TRHDE: variants seen among roughly 807,000 people sequenced by gnomAD.
The protein encoded by TRHDE is thyrotropin releasing hormone degrading enzyme, also known as thyrotropin-releasing hormone-degrading ectoenzyme.
A neutral mutation model predicts 125.7 loss-of-function variants in TRHDE; 72 were observed. The ratio of observed to expected loss-of-function variants is 0.57; its 90% CI spans 0.47 to 0.70. The LOEUF (loss-of-function observed/expected upper bound fraction) is 0.70, where lower values mean the gene tolerates loss of function less well. Ranked by LOEUF, TRHDE falls within the 30% of genes least tolerant of loss-of-function variation. TRHDE has a pLI of 0.00. For missense variants in TRHDE, 1,110 were observed against 1,327.1 expected, an observed-to-expected ratio of 0.84 and a Z score of 2.54; for synonymous variants, 509 against 509.1, an observed-to-expected ratio of 1.00 and a Z score of 0.00.
intron 3 of TRHDE, among the ~76,000 whole-genome samples, chr12:72,420,869 C>T (rs935245302): frequency 7.9e-5 from 12 of 152,158 alleles, no homozygotes; most frequent in African/African-American, 2.9e-4. Context: ...GGCTCTGAAC[C>T]TGTAGGTCGT....
intron 2 of TRHDE, among the ~76,000 whole-genome samples, chr12:72,125,478 T>C (rs1394572507): frequency 1.3e-5 from 2 of 152,294 alleles, no homozygotes; most frequent in South Asian, 2.1e-4. Flanking sequence ...AGGCAAGAAC[T>C]TCACCCATTG....
intron 12 of TRHDE, among the ~76,000 whole-genome samples, chr12:72,576,263 C>T (rs1565796528): frequency 1.3e-5 from 2 of 152,080 alleles, no homozygotes; most frequent in Non-Finnish European, 2.9e-5. Flanking sequence ...TCAATTAAGA[C>T]AGGTGACTCT....
chr12:72,388,602 G>T (rs2135788424), intron 3 of TRHDE, among the ~76,000 whole-genome samples: 1 of 152,204 alleles, frequency 6.6e-6, no homozygotes, highest in East Asian at 1.9e-4. Context: ...AAATAAATAT[G>T]ATTTCAAAGA....
chr12:72,285,807 C>T (rs1422499492), intron 1 of TRHDE, among the ~76,000 whole-genome samples: 1 of 152,116 alleles, frequency 6.6e-6, no homozygotes. Flanking sequence ...GTGTGAGCCA[C>T]CATGCCGGGC....
chr12:72,170,611 G>A (rs566538634), intron 2 of TRHDE, among the ~76,000 whole-genome samples: 1 of 152,182 alleles, frequency 6.6e-6, no homozygotes, highest in Non-Finnish European at 1.5e-5. Flanking sequence ...TACCTTTGAT[G>A]TTTCTGGCTC....
chr12:72,623,057 G>A (rs1313043231), intron 15 of TRHDE, among the ~76,000 whole-genome samples: 2 of 151,764 alleles, frequency 1.3e-5, no homozygotes, highest in African/African-American at 2.4e-5. Context: ...TATTTCATTA[G>A]ACCTGAAAAT....
intron 3 of TRHDE, among the ~76,000 whole-genome samples, chr12:72,430,403 A>G (rs963604644): frequency 4.2e-5 from 5 of 119,680 alleles, no homozygotes; most frequent in Non-Finnish European, 8.6e-5. Flanking sequence ...ACACACACGT[A>G]TATATATGTG....
intron 3 of TRHDE, among the ~76,000 whole-genome samples, chr12:72,425,125 A>G (rs1217265215): frequency 6.6e-6 from 1 of 152,176 alleles, no homozygotes; most frequent in Non-Finnish European, 1.5e-5. Context: ...GACCAATTGC[A>G]TATGCATTTT....
intron 3 of TRHDE, among the ~76,000 whole-genome samples, chr12:72,437,045 A>G (rs1874779340): frequency 1.3e-5 from 2 of 151,918 alleles, no homozygotes; most frequent in African/African-American, 4.8e-5. Context: ...TGAGGGAGGC[A>G]GGAATACAAG....
chr12:72,400,536 T>G (rs752518409), intron 3 of TRHDE, among the ~76,000 whole-genome samples: 5 of 152,192 alleles, frequency 3.3e-5, no homozygotes, highest in Non-Finnish European at 5.9e-5. Flanking sequence ...AGATATTAGA[T>G]ATTCTCAAAC....
intron 2 of TRHDE, among the ~76,000 whole-genome samples, chr12:72,161,514 A>G (rs1037454410): frequency 1.3e-5 from 2 of 151,922 alleles, no homozygotes; most frequent in African/African-American, 4.8e-5. Context: ...GTATGCTGCT[A>G]TATACATTTA....
intron 10 of TRHDE, among the ~76,000 whole-genome samples, chr12:72,572,167 C>T (rs1466585490): frequency 6.6e-6 from 1 of 152,068 alleles, no homozygotes; most frequent in African/African-American, 2.4e-5. Flanking sequence ...GTATTATTTT[C>T]CCTGAGTTTG....
chr12:72,612,579 A>G (rs1318715497), intron 12 of TRHDE, among the ~76,000 whole-genome samples: 1 of 152,104 alleles, frequency 6.6e-6, no homozygotes, highest in Admixed American at 6.6e-5. Context: ...TGTAAACTTT[A>G]GCTTCTTTCT....
At chr12:72,582,355 GC>G (rs1228137769) in intron 12 of TRHDE, 1 of 984,676 alleles carries the variant, frequency 1.0e-6, no homozygotes, top group Non-Finnish European at 1.2e-6. Flanking sequence ...TCATTTCTGA[GC>G]CTGGTTTCAG....
At chr12:72,207,576 C>G (rs1357157528) in intron 2 of TRHDE, among the ~76,000 whole-genome samples, 1 of 152,048 alleles carries the variant, frequency 6.6e-6, no homozygotes, top group Non-Finnish European at 1.5e-5. Context: ...AAAAAGGCAC[C>G]AATAGATTAT....
intron 6 of TRHDE, among the ~76,000 whole-genome samples, chr12:72,510,328 C>A (rs1475365336): frequency 2.0e-5 from 3 of 152,138 alleles, no homozygotes; most frequent in African/African-American, 7.2e-5. Context: ...AAATATAACA[C>A]CTGTGGTCAT....
chr12:72,380,665 G>T (rs1175714718), intron 3 of TRHDE, among the ~76,000 whole-genome samples: 2 of 152,094 alleles, frequency 1.3e-5, no homozygotes, highest in East Asian at 3.9e-4. Flanking sequence ...AGGAATGGGT[G>T]GATGACAGAT....
rs73344419 is a variant in TRHDE at position 72,431,108 on chromosome 12, T to C, written c.1316-38650T>C. Among the ~76,000 whole-genome samples the C allele has an allele frequency of 9.8e-3, 1,494 of 152,262 alleles. 33 individuals carry two copies. Among genetic ancestry groups the C allele is most frequent in the African/African-American group, 0.034 (1,399 of 41,566 alleles). On this transcript the variant is annotated intron_variant, in intron 3 of 18. Coordinates refer to ENST00000261180, the MANE Select transcript of TRHDE (RefSeq NM_013381.3). ...GCTTATTTTTTGCATATTGAACTTA[T>C]AGCTAGTAATCTTGCTGAACTATTT...
chr12:72,288,627 T>A (rs1338476832), intron 2 of TRHDE, among the ~76,000 whole-genome samples: 8 of 152,192 alleles, frequency 5.3e-5, no homozygotes, highest in Admixed American at 4.6e-4. Flanking sequence ...GATGATTGAC[T>A]TGCTGTGGGT....
Sources: gnomAD v4.1 joint callset for allele counts (sites outside exome capture counted in the v4.1 genomes callset) on GRCh38, gnomAD v4.1.1 for gene constraint, MANE v1.5 for transcripts, NCBI Gene and HGNC (gene_info 2026-07-23, HGNC 2026-07-21) for gene names.